PUDP: variants seen among roughly 807,000 people sequenced by gnomAD.
The protein encoded by PUDP is pseudouridine-5'-phosphatase.
A neutral mutation model predicts 9.4 loss-of-function variants in PUDP; 8 were observed. The observed-to-expected ratio is 0.85, with a 90% CI of 0.50 to 1.53. PUDP has a LOEUF of 1.53. Among genes scored for constraint, PUDP ranks in the 40% most tolerant of loss-of-function variants. PUDP has a pLI of 0.00. For missense variants in PUDP, 188 were observed against 189.7 expected, an observed-to-expected ratio of 0.99 and a Z score of 0.05; for synonymous variants, 99 against 80.7, an observed-to-expected ratio of 1.23 and a Z score of -1.22.
At chrX:7,108,961 C>T (rs1451303170) in intron 1 of PUDP, among the ~76,000 whole-genome samples, 1 of 112,443 alleles carries the variant, frequency 8.9e-6, no homozygotes. Flanking sequence ...ATGGAGGGCT[C>T]AAAGCCCTTT....
chrX:6,799,270 C>T (rs888874574), intron 3 of PUDP, among the ~76,000 whole-genome samples: 3 of 112,046 alleles, frequency 2.7e-5, no homozygotes, highest in African/African-American at 9.7e-5. Context: ...GAAGTGTGGA[C>T]CCATGACTCA....
At chrX:6,830,133 C>T (rs1005361022) in intron 3 of PUDP, among the ~76,000 whole-genome samples, 8 of 109,860 alleles carry the variant, frequency 7.3e-5, no homozygotes, top group Non-Finnish European at 1.3e-4. Context: ...GACACATACC[C>T]GGTCTCTTGG....
At chrX:6,825,606 C>G (rs1414592871) in intron 3 of PUDP, among the ~76,000 whole-genome samples, 2 of 111,083 alleles carry the variant, frequency 1.8e-5, no homozygotes, top group Non-Finnish European at 3.8e-5. Context: ...AAGTCTCCAG[C>G]TTGGAATGGA....
At chrX:7,047,577 G>A (rs192606002), downstream of PUDP, among the ~76,000 whole-genome samples, 13 of 112,276 alleles carry the variant, frequency 1.2e-4, no homozygotes, top group Admixed American at 5.6e-4. Context: ...CAACATCTTC[G>A]TAAAGCAAGT....
At chrX:6,974,897 G>A (rs1373966875) in intron 3 of PUDP, among the ~76,000 whole-genome samples, 2 of 110,234 alleles carry the variant, frequency 1.8e-5, no homozygotes, top group Non-Finnish European at 3.8e-5. Flanking sequence ...TTTCTTGGAG[G>A]CTTGTTCATT....
chrX:6,848,327 A>G (rs747438806), intron 3 of PUDP, among the ~76,000 whole-genome samples: 211 of 112,107 alleles, frequency 1.9e-3, no homozygotes, highest in Non-Finnish European at 3.6e-3. Context: ...CAAGGCTGAA[A>G]TAATTTAACA....
intron 3 of PUDP, among the ~76,000 whole-genome samples, chrX:6,820,813 G>A (rs192942660): frequency 2.9e-4 from 32 of 111,469 alleles, no homozygotes; most frequent in Admixed American, 1.7e-3. Flanking sequence ...TTTTCCAGGC[G>A]CATGATGCGA....
chrX:7,141,546 T>C (rs1398591527), intron 1 of PUDP, among the ~76,000 whole-genome samples: 1 of 113,253 alleles, frequency 8.8e-6, no homozygotes, highest in Admixed American at 9.3e-5. Context: ...CCTTGCTCTG[T>C]CCTTGAACAG....
intron 3 of PUDP, among the ~76,000 whole-genome samples, chrX:6,842,875 T>C (rs1055538315): frequency 8.9e-6 from 1 of 112,484 alleles, no homozygotes; most frequent in Admixed American, 9.4e-5. Context: ...AAAGGTCATG[T>C]CATTTTTGCC....
chrX:7,018,943 G>A (rs1047858739), intron 1 of PUDP, among the ~76,000 whole-genome samples: 5 of 112,542 alleles, frequency 4.4e-5, no homozygotes, highest in Middle Eastern at 4.7e-3. Flanking sequence ...GAGAACAGAA[G>A]CATTCCTAAT....
chrX:6,757,122 C>T (rs759987363), intron 3 of PUDP, among the ~76,000 whole-genome samples: 2 of 111,893 alleles, frequency 1.8e-5, no homozygotes, highest in African/African-American at 6.5e-5. Context: ...ATTACTACCC[C>T]AAGGAACACA....
chrX:6,816,325 CTATG>C (rs1419010021), intron 3 of PUDP, among the ~76,000 whole-genome samples: 1 of 102,730 alleles, frequency 9.7e-6, no homozygotes, highest in African/African-American at 3.5e-5. Flanking sequence ...CATATATGTA[CTATG>C]TGACACGTAT....
At position 6,869,228 on chromosome X, in the gene PUDP, G is replaced by A. The variant is rs1302020476; in HGVS notation, c.*247+107905C>T. Among the ~76,000 whole-genome samples the A allele has an allele frequency of 2.7e-5, 3 of 111,837 alleles. No individual in the cohort carries two copies. The East Asian group carries it at 8.5e-4, about 32-fold the overall frequency. On this transcript the variant is annotated intron_variant and NMD_transcript_variant, in intron 3 of 3. Coordinates refer to the PUDP transcript ENST00000655425. The stretch of plus-strand genomic sequence containing the variant: ...CATACCAAACCACCCCAGACCTAGT[G>A]GAATAAAACAACTATCGTTTTCTTT...
upstream of PUDP, among the ~76,000 whole-genome samples, chrX:6,725,470 T>C (rs1924727970): frequency 1.8e-5 from 2 of 111,755 alleles, no homozygotes; most frequent in Admixed American, 9.5e-5. Flanking sequence ...CTCCCTCTTA[T>C]AAATGAGAAT....
intron 2 of PUDP, among the ~76,000 whole-genome samples, chrX:7,081,729 C>A (rs751588282): frequency 8.8e-6 from 1 of 113,098 alleles, no homozygotes; most frequent in South Asian, 3.6e-4. Context: ...AATTATACGC[C>A]CTCTTTGGGC....
intron 2 of PUDP, 33 bp from the exon 3 acceptor site, chrX:7,077,482 G>A (rs1272191225): frequency 9.1e-7 from 1 of 1,098,662 alleles, no homozygotes; most frequent in East Asian, 3.0e-5. Flanking sequence ...TGAGGTGAGG[G>A]GCGAGGCCTC....
intron 3 of PUDP, among the ~76,000 whole-genome samples, chrX:6,940,352 T>TATTA (rs1196104149): frequency 8.9e-6 from 1 of 112,706 alleles, no homozygotes; most frequent in African/African-American, 3.2e-5. Context: ...AAGAGAAAAT[T>TATTA]ATTTAATTTC....
chrX:6,835,809 T>C (rs1026203463), intron 3 of PUDP, among the ~76,000 whole-genome samples: 1 of 110,920 alleles, frequency 9.0e-6, no homozygotes, highest in African/African-American at 3.3e-5. Context: ...ACCTCCCGAG[T>C]TCATGTGATT....
intron 3 of PUDP, among the ~76,000 whole-genome samples, chrX:6,800,281 AT>A (rs1364455112): frequency 8.9e-6 from 1 of 111,908 alleles, no homozygotes; most frequent in African/African-American, 3.2e-5. Flanking sequence ...AAATTCTAAT[AT>A]TCTTATCTCC....
Sources: allele counts gnomAD v4.1 joint callset (sites outside exome capture counted in the v4.1 genomes callset), GRCh38; gene constraint gnomAD v4.1.1; transcripts MANE v1.5; gene names NCBI Gene and HGNC (gene_info 2026-07-23, HGNC 2026-07-21).